The following MALRD1 variants were observed in gnomAD, a reference collection of about 807,000 sequenced individuals.
MALRD1 encodes MAM and LDL receptor class A domain containing 1.
Under a neutral mutation model 242.1 loss-of-function variants are expected in MALRD1, and 247 were observed. The observed-to-expected ratio is 1.02, with a 90% CI of 0.92 to 1.13. MALRD1 has a LOEUF of 1.13. Among genes scored for constraint, MALRD1 ranks in the 50% most tolerant of loss-of-function variants. The pLI, the probability that MALRD1 is intolerant of heterozygous loss-of-function variation, is 0.00. For synonymous variants in MALRD1, 995 were observed against 866.6 expected, an observed-to-expected ratio of 1.15 and a Z score of -2.60; for missense variants, 2,989 against 2,533.1, an observed-to-expected ratio of 1.18 and a Z score of -3.86.
chr10:19,456,782 T>TATTTATTTATTTATTA (rs879583767), intron 29 of MALRD1, among the ~76,000 whole-genome samples: 81 of 148,822 alleles, frequency 5.4e-4, no homozygotes, highest in African/African-American at 1.9e-3. Flanking sequence ...TTTATTTATT[T>TATTTATTTATTTATTA]ATTTATTTTG....
intron 24 of MALRD1, among the ~76,000 whole-genome samples, chr10:19,341,708 A>AT (rs1235119027): frequency 1.3e-5 from 2 of 151,916 alleles, no homozygotes; most frequent in Non-Finnish European, 2.9e-5. Context: ...ATTCTCATTG[A>AT]GAAATTAATA....
Position 19,204,369 on chromosome 10 carries a change from C to T in MALRD1, c.2166C>T (p.Ser722=), listed in dbSNP as rs1319451969. ...SSLWQVAKLQ[S]PTFSQTGPGC... ...TGTGGCAAGTTGCTAAGCTTCAGAG[C>T]CCAACTTTCAGCCAGACAGGACCTG... Residue 722 remains serine (S), a synonymous_variant, in exon 16 of 40, where the codon AGC becomes AGT. Transcript: ENST00000454679. 4 of 1,548,646 alleles carry T rather than the reference C, an allele frequency of 2.6e-6. No individual in the cohort carries two copies. In the South Asian group the frequency reaches 4.8e-5, roughly 18 times the overall value.
chr10:19,549,623 C>T (rs555037251), intron 32 of MALRD1, among the ~76,000 whole-genome samples: 3 of 152,238 alleles, frequency 2.0e-5, no homozygotes, highest in East Asian at 1.9e-4. Flanking sequence ...CACACTTAAC[C>T]GACTACAGTA....
At chr10:19,058,980 C>A (rs1834744960) in intron 1 of MALRD1, among the ~76,000 whole-genome samples, 1 of 152,096 alleles carries the variant, frequency 6.6e-6, no homozygotes. Flanking sequence ...TTCATGCCCT[C>A]TAACTGGTAA....
intron 19 of MALRD1, among the ~76,000 whole-genome samples, chr10:19,279,033 A>G (rs1237123235): frequency 6.6e-6 from 1 of 152,142 alleles, no homozygotes; most frequent in Non-Finnish European, 1.5e-5. Context: ...CAGACAATGG[A>G]GGATTCACCA....
At chr10:19,315,575 A>C (rs1842651569) in intron 21 of MALRD1, among the ~76,000 whole-genome samples, 2 of 119,194 alleles carry the variant, frequency 1.7e-5, no homozygotes, top group Non-Finnish European at 3.2e-5. Context: ...ATAAATATAT[A>C]AATTATAAAT....
intron 12 of MALRD1, among the ~76,000 whole-genome samples, chr10:19,158,593 G>T (rs566338554): frequency 3.4e-4 from 52 of 152,284 alleles, no homozygotes; most frequent in Non-Finnish European, 5.1e-4. Flanking sequence ...TCTCCCAAGT[G>T]CTTGCTATAT....
rs35948766 is a variant in MALRD1 at position 19,108,387 on chromosome 10, C to CTTTTTTTTTTTTTTTTTTTTT, written c.694+4330_694+4350dup. On this transcript the variant is annotated intron_variant, in intron 5 of 39. Transcript: ENST00000454679. ...TTATTGAGCTCATGAATTGTTTTTTCTTTTTTTTTTTTTTTTTTTTTTTTT... is the reference window on the plus strand; with the variant it reads ...TTATTGAGCTCATGAATTGTTTTTTCTTTTTTTTTTTTTTTTTTTTTTTTTTTTTTTTTTTTTTTTTTTTTT... 4.0e-4 allele frequency among the ~76,000 whole-genome samples: 8 copies of CTTTTTTTTTTTTTTTTTTTTT among 19,764 alleles called. 4 individuals carry two copies. Among genetic ancestry groups the CTTTTTTTTTTTTTTTTTTTTT allele is most frequent in the Non-Finnish European group, 6.4e-4 (8 of 12,506 alleles). 13.0% of individuals were successfully genotyped at this position (19,764 alleles called of 152,430 possible).
At chr10:19,047,737 C>T (rs2789315), upstream of MALRD1, among the ~76,000 whole-genome samples, 6,489 of 152,094 alleles carry the variant, frequency 0.043, 200 homozygotes, top group Middle Eastern at 0.088. Flanking sequence ...CCCCTGCCCC[C>T]CAGAATCCAG....
chr10:19,215,514 G>A (rs1837269872), intron 18 of MALRD1, among the ~76,000 whole-genome samples: 1 of 152,098 alleles, frequency 6.6e-6, no homozygotes, highest in Admixed American at 6.5e-5. Flanking sequence ...GTGAACTACT[G>A]ATTTCTTTGG....
intron 33 of MALRD1, among the ~76,000 whole-genome samples, chr10:19,582,305 T>C (rs1411853295): frequency 6.6e-6 from 1 of 151,508 alleles, no homozygotes; most frequent in Non-Finnish European, 1.5e-5. Context: ...CCCATGCCTA[T>C]GTCCTGAATG....
intron 18 of MALRD1, among the ~76,000 whole-genome samples, chr10:19,236,886 T>C (rs1838344403): frequency 6.6e-6 from 1 of 152,076 alleles, no homozygotes; most frequent in Admixed American, 6.6e-5. Context: ...TCTACAAATA[T>C]TTCTAACACA....
chr10:19,389,950 C>T (rs1846267013), intron 28 of MALRD1, among the ~76,000 whole-genome samples: 1 of 152,160 alleles, frequency 6.6e-6, no homozygotes, highest in Non-Finnish European at 1.5e-5. Flanking sequence ...GCATGAGCCA[C>T]CACACCTGGC....
chr10:19,149,190 A>G (rs1833847055), intron 11 of MALRD1, among the ~76,000 whole-genome samples: 1 of 151,908 alleles, frequency 6.6e-6, no homozygotes, highest in South Asian at 2.1e-4. Context: ...ATCCATGCTC[A>G]CTGCAAACTC....
Position 19,087,945 on chromosome 10 carries a change from G to A in MALRD1, c.435+11G>A. 3 of 1,231,738 alleles carry A rather than the reference G, an allele frequency of 2.4e-6. No homozygotes were observed. Among genetic ancestry groups the A allele is most frequent in the East Asian group, 6.3e-5 (2 of 31,660 alleles). The allele number at this position is 1,231,738 out of a possible 1,614,324, so 76.3% of individuals were successfully genotyped here. A position where few individuals can be genotyped will look rare whatever the true frequency, so the allele number is the denominator to read the frequency against. ...CAACATGACTGCCAGGTATTTGAAA[G>A]CACACAGCATTTTAAATATTTTGTC... On this transcript the variant is annotated intron_variant, in intron 3 of 39. Coordinates refer to ENST00000454679, the MANE Select transcript of MALRD1 (RefSeq NM_001142308.3).
intron 31 of MALRD1, among the ~76,000 whole-genome samples, chr10:19,502,735 C>G (rs756909146): frequency 3.9e-5 from 6 of 152,118 alleles, no homozygotes; most frequent in Non-Finnish European, 7.4e-5. Flanking sequence ...ATAATCTTCC[C>G]TTATCCTAGG....
chr10:19,530,115 C>A (rs1164103310), intron 31 of MALRD1, among the ~76,000 whole-genome samples: 3 of 151,030 alleles, frequency 2.0e-5, no homozygotes, highest in East Asian at 3.9e-4. Flanking sequence ...AAGAGTGTGT[C>A]AATATTGGCT....
chr10:19,203,813 G>T lies in MALRD1; in HGVS notation c.2037G>T (p.Gln679His), dbSNP rs1250987013. The T allele has an allele frequency of 6.4e-7, 1 of 1,550,558 alleles. No homozygotes were observed. Among genetic ancestry groups the T allele is most frequent in the African/African-American group, 1.4e-5 (1 of 73,146 alleles). ...ATTTTGACTGGATACGGAGCTCTCA[G>T]AGTGAACTTTCTGCTGATTTTGAGC... ...GDHFDWIRSS[Q>H]SELSADFEHQ... The change falls in exon 15 of 40, where the codon CAG becomes CAT. Residue 679 changes from glutamine to histidine, a missense_variant. By Grantham distance (24) the Gln-to-His change is conservative (BLOSUM62 0). Coordinates refer to ENST00000454679, the MANE Select transcript of MALRD1 (RefSeq NM_001142308.3).
At chr10:19,146,147 C>T in intron 10 of MALRD1, 51 bp from the exon 11 acceptor site, 2 of 1,218,086 alleles carry the variant, frequency 1.6e-6, no homozygotes, top group Non-Finnish European at 1.0e-6. Context: ...GCAGTGTTTG[C>T]CTGCATGCTC....
Sources: gnomAD v4.1 joint callset for allele counts (sites outside exome capture counted in the v4.1 genomes callset) on GRCh38, gnomAD v4.1.1 for gene constraint, MANE v1.5 for transcripts, NCBI Gene and HGNC (gene_info 2026-07-23, HGNC 2026-07-21) for gene names.